CCDC88A: variants seen among roughly 807,000 people sequenced by gnomAD.
The protein encoded by CCDC88A is girdin.
In CCDC88A, 54 loss-of-function variants were observed where a neutral mutation model predicts 234.3. The ratio of observed to expected loss-of-function variants is 0.23; its 90% CI spans 0.19 to 0.29. The LOEUF (loss-of-function observed/expected upper bound fraction) is 0.29, where lower values mean the gene tolerates loss of function less well. Ranked by LOEUF, CCDC88A falls within the 10% of genes least tolerant of loss-of-function variation. The pLI, the probability that CCDC88A is intolerant of heterozygous loss-of-function variation, is 1.00. For missense variants in CCDC88A, 1,832 were observed against 2,123.4 expected (o/e 0.86, Z 2.70); for synonymous variants, 753 against 737.8 (o/e 1.02, Z -0.33).
intron 5 of CCDC88A, 123 bp from the exon 6 acceptor site, chr2:55,364,156 G>T: frequency 2.0e-6 from 1 of 500,680 alleles, no homozygotes; most frequent in Non-Finnish European, 3.5e-6. Flanking sequence ...GTTTTGTTTT[G>T]CATTTAAATT....
At chr2:55,387,849 T>C (rs1328069909) in intron 3 of CCDC88A, among the ~76,000 whole-genome samples, 1 of 132,054 alleles carries the variant, frequency 7.6e-6, no homozygotes, top group Non-Finnish European at 1.7e-5. Context: ...TACTGATAAA[T>C]AATCAAATTC....
chr2:55,410,864 G>C (rs4672039), intron 2 of CCDC88A, among the ~76,000 whole-genome samples: 76,978 of 151,398 alleles, frequency 0.51, 21,530 homozygotes, highest in Admixed American at 0.63. Flanking sequence ...CTGCATTCCA[G>C]TCTCGGCAAG....
chr2:55,314,435 C>T (rs1028024338), intron 22 of CCDC88A: 2 of 152,226 alleles, frequency 1.3e-5, no homozygotes, highest in African/African-American at 4.8e-5. Context: ...GATGGAGTTT[C>T]GCTCTTTCGC....
At chr2:55,372,798 G>A (rs1278664386) in intron 4 of CCDC88A, among the ~76,000 whole-genome samples, 2 of 152,156 alleles carry the variant, frequency 1.3e-5, no homozygotes, top group African/African-American at 2.4e-5. Context: ...ATAAATGATT[G>A]TACTACCCCA....
intron 8 of CCDC88A, among the ~76,000 whole-genome samples, chr2:55,351,122 AAGAG>A (rs1371518655): frequency 6.6e-6 from 1 of 152,016 alleles, no homozygotes; most frequent in Non-Finnish European, 1.5e-5. Flanking sequence ...TTTCTTTTTT[AAGAG>A]AGAGGATGTC....
rs997699619 is a variant in CCDC88A at position 55,371,294 on chromosome 2, T to C, written c.402+1158A>G. 2.6e-5 allele frequency among the ~76,000 whole-genome samples: 4 copies of C among 152,198 alleles called. No individual in the cohort carries two copies. The East Asian group carries it at 7.7e-4, about 29-fold the overall frequency. On this transcript the variant is annotated intron_variant, in intron 5 of 32. Transcript: ENST00000436346. ...GTAAACACCTGTACATTACACAGCA[T>C]GAAATTTTAATAACATATATTATGT...
intron 3 of CCDC88A, among the ~76,000 whole-genome samples, chr2:55,380,708 T>C (rs922558970): frequency 6.6e-6 from 1 of 152,188 alleles, no homozygotes. Flanking sequence ...CTCTGCCTCC[T>C]GGGTTCAAGT....
chr2:55,374,624 T>C (rs1368950221), intron 4 of CCDC88A, among the ~76,000 whole-genome samples, 190 bp downstream of exon 4: 1 of 152,218 alleles, frequency 6.6e-6, no homozygotes, highest in African/African-American at 2.4e-5. Flanking sequence ...GTAAAATTTA[T>C]GTCTGGTCTT....
intron 7 of CCDC88A, 114 bp downstream of exon 7, chr2:55,362,194 A>C: frequency 1.3e-6 from 1 of 750,312 alleles, no homozygotes. Flanking sequence ...AAAAAAAGAC[A>C]CTCCTGTATC....
At chr2:55,312,613 C>T in intron 22 of CCDC88A, 34 bp from the exon 23 acceptor site, 2 of 1,491,094 alleles carry the variant, frequency 1.3e-6, no homozygotes, top group Non-Finnish European at 1.9e-6. Flanking sequence ...AAAAAATCAA[C>T]ATTTACATTT....
At chr2:55,307,760 A>C (rs978421121) in intron 25 of CCDC88A, among the ~76,000 whole-genome samples, 2 of 151,590 alleles carry the variant, frequency 1.3e-5, no homozygotes, top group Admixed American at 6.6e-5. Context: ...TGCAGGGATT[A>C]CATGCATGAG....
intron 3 of CCDC88A, among the ~76,000 whole-genome samples, chr2:55,384,765 G>A (rs1298789005): frequency 4.0e-5 from 6 of 149,944 alleles, no homozygotes; most frequent in Admixed American, 2.0e-4. Context: ...CAAGCAATTC[G>A]TGCGCCTCAG....
chr2:55,384,553 A>ATATATACACATATACGTATATATGCG (rs1675182169), intron 3 of CCDC88A, among the ~76,000 whole-genome samples: 1 of 40,220 alleles, frequency 2.5e-5, no homozygotes, highest in African/African-American at 1.3e-4. Context: ...ATATATGTGT[A>ATATATACACATATACGTATATATGCG]TATATACACA....
At chr2:55,413,240 G>T (rs1680791176) in intron 2 of CCDC88A, among the ~76,000 whole-genome samples, 1 of 151,990 alleles carries the variant, frequency 6.6e-6, no homozygotes, top group Non-Finnish European at 1.5e-5. Flanking sequence ...AAACTAAGCT[G>T]TGAACTATCA....
At position 55,363,985 on chromosome 2, in the gene CCDC88A, C is replaced by A; in HGVS notation, c.451G>T (p.Asp151Tyr). 6.3e-7 allele frequency: 1 copy of A among 1,598,774 alleles called. No individual in the cohort carries two copies. Residue 151 changes from aspartate to tyrosine, a missense_variant, in exon 6 of 33, where the codon GAT becomes TAT. Asp to Tyr is a radical substitution (Grantham distance 160). Around this residue, in one of 6 missense-constraint regions of CCDC88A, gnomAD observed 1,282 missense variants for 1,543.6 expected, o/e 0.83. Transcript: ENST00000436346. ...TGTGCGGCAACCGCTGCTTTTGTATCAAAATCTAAACCTTGAATTCTTTCA... is the reference window on the plus strand; with the variant it reads ...TGTGCGGCAACCGCTGCTTTTGTATAAAAATCTAAACCTTGAATTCTTTCA... ...FIERIQGLDF[D>Y]TKAAVAAHIQ...
rs995372033 is a variant in CCDC88A, at chr2:55,316,104, T to C, written c.3757A>G (p.Thr1253Ala). The part of the protein sequence containing the change: ...LCGENDRLNH[T>A]YSQLLKETEV... ...GTCTCTTTTAAAAGTTGACTATAGG[T>C]ATGATTCAGCCTATAATTAGAAATC... is the stretch of plus-strand genomic sequence containing the variant. The change falls in exon 22 of 33, where the codon ACC (threonine) becomes GCC (alanine). Residue 1253 changes from threonine to alanine, a missense_variant. Thr to Ala is a moderately conservative substitution (Grantham distance 58). Around this residue, in one of 6 missense-constraint regions of CCDC88A, gnomAD observed 1,282 missense variants for 1,543.6 expected, o/e 0.83. Transcript: ENST00000436346. The C allele has an allele frequency of 6.9e-7, 1 of 1,440,822 alleles. No homozygotes were observed. Among genetic ancestry groups the C allele is most frequent in the Non-Finnish European group, 9.5e-7 (1 of 1,053,886 alleles). 89.3% of individuals were successfully genotyped at this position (1,440,822 alleles called of 1,614,324 possible).
intron 3 of CCDC88A, among the ~76,000 whole-genome samples, chr2:55,388,322 A>G (rs2104890727): frequency 6.6e-6 from 1 of 152,316 alleles, no homozygotes; most frequent in East Asian, 1.9e-4. Context: ...AGAAATAATC[A>G]TCTTTTAAAA....
At chr2:55,302,651 C>T (rs970161544) in intron 26 of CCDC88A, 1 of 158,168 alleles carries the variant, frequency 6.3e-6, no homozygotes, top group Admixed American at 6.1e-5. Context: ...GAATGACAAG[C>T]ATTTTCAAGG....
intron 2 of CCDC88A, among the ~76,000 whole-genome samples, chr2:55,401,503 T>C (rs1410708999): frequency 0.046 from 8 of 174 alleles, 2 homozygotes; most frequent in Admixed American, 0.2. Flanking sequence ...TGTATACATA[T>C]ATATATATAT....
Sources: gnomAD v4.1 joint callset for allele counts (sites outside exome capture counted in the v4.1 genomes callset) on GRCh38, gnomAD v4.1.1 for gene constraint, gnomAD v4.1.1 regional missense constraint, MANE v1.5 for transcripts, NCBI Gene and HGNC (gene_info 2026-07-23, HGNC 2026-07-21) for gene names.